The following INSL6 variants were observed in gnomAD, a reference collection of about 807,000 sequenced individuals.
INSL6 encodes insulin like 6.
INSL6 carries 16 observed loss-of-function variants against 9.4 expected under a neutral mutation model. The ratio of observed to expected loss-of-function variants is 1.70; its 90% CI spans 1.15 to 2.59. The LOEUF is 2.59. Among genes scored for constraint, INSL6 ranks in the 30% most tolerant of loss-of-function variants. The pLI is 0.00. For missense variants in INSL6, 391 were observed against 257.3 expected, an observed-to-expected ratio of 1.52 and a Z score of -3.56; for synonymous variants, 154 against 96.9, an observed-to-expected ratio of 1.59 and a Z score of -3.46.
At chr9:5,122,500 T>C (rs573024228), downstream of INSL6, among the ~76,000 whole-genome samples, 10 of 152,256 alleles carry the variant, frequency 6.6e-5, no homozygotes, top group South Asian at 2.1e-3. Flanking sequence ...GAAGGTACTC[T>C]GCAGTTAACC....
At chr9:5,035,039 T>C in the INSL6 span, among the ~76,000 whole-genome samples, 15 of 152,206 alleles carry the variant, frequency 9.9e-5, no homozygotes, top group East Asian at 2.5e-3. Flanking sequence ...CAATAAAAAA[T>C]GATAAAGGGG....
At chr9:5,007,768 G>A in the INSL6 span, among the ~76,000 whole-genome samples, 3 of 150,658 alleles carry the variant, frequency 2.0e-5, no homozygotes, top group African/African-American at 7.3e-5. Context: ...CACCCAGGCT[G>A]AACTGCAGTG....
chr9:5,135,796 G>C (rs1824377973), intron 2 of INSL6, among the ~76,000 whole-genome samples: 1 of 151,510 alleles, frequency 6.6e-6, no homozygotes, highest in South Asian at 2.1e-4. Context: ...GCAAGACAGA[G>C]ACACAAAAAC....
chr9:5,083,906 C>T, the INSL6 span, among the ~76,000 whole-genome samples: 2 of 152,020 alleles, frequency 1.3e-5, no homozygotes, highest in Admixed American at 1.3e-4. Flanking sequence ...ATAGTGAAAC[C>T]ATTCTATATA....
the INSL6 span, chr9:5,072,566 A>T: frequency 1.9e-6 from 3 of 1,611,394 alleles, no homozygotes; most frequent in African/African-American, 4.0e-5. Context: ...ACTACGGTCA[A>T]CTGCATGAAA....
chr9:5,060,121 T>C, the INSL6 span, among the ~76,000 whole-genome samples: 10 of 152,336 alleles, frequency 6.6e-5, no homozygotes, highest in African/African-American at 1.9e-4. Flanking sequence ...AACAGCATTA[T>C]GTCTTAAAAA....
chr9:5,145,780 G>T (rs1251607375), intron 2 of INSL6, among the ~76,000 whole-genome samples: 1 of 152,158 alleles, frequency 6.6e-6, no homozygotes, highest in African/African-American at 2.4e-5. Flanking sequence ...AATTATTGTA[G>T]TGTAGTTTTC....
intron 2 of INSL6, among the ~76,000 whole-genome samples, chr9:5,136,794 T>C (rs1333036170): frequency 6.6e-6 from 1 of 152,008 alleles, no homozygotes; most frequent in Admixed American, 6.6e-5. Context: ...GAGAAAGAAA[T>C]AAAGGGTATT....
chr9:4,993,371 T>G, the INSL6 span, among the ~76,000 whole-genome samples: 4 of 152,234 alleles, frequency 2.6e-5, no homozygotes, highest in African/African-American at 9.6e-5. Context: ...CTGAAAAGAT[T>G]GTTCTGAGTC....
downstream of INSL6, among the ~76,000 whole-genome samples, chr9:5,159,363 T>C (rs1484029052): frequency 6.6e-6 from 1 of 151,768 alleles, no homozygotes; most frequent in Non-Finnish European, 1.5e-5. Flanking sequence ...GAATGGATTT[T>C]TTTTTTTTAA....
intron 3 of INSL6, among the ~76,000 whole-genome samples, chr9:5,130,886 AC>A (rs1163737460): frequency 6.7e-6 from 1 of 148,452 alleles, no homozygotes; most frequent in Non-Finnish European, 1.5e-5. Flanking sequence ...CTGCCACTAC[AC>A]CCGGCTAATT....
At chr9:5,010,166 G>T in the INSL6 span, among the ~76,000 whole-genome samples, 1 of 152,074 alleles carries the variant, frequency 6.6e-6, no homozygotes, top group East Asian at 1.9e-4. Flanking sequence ...TTTCTGATTT[G>T]CTGATAGCAC....
chr9:5,149,332 C>A (rs961645857), intron 2 of INSL6, among the ~76,000 whole-genome samples: 4 of 152,198 alleles, frequency 2.6e-5, no homozygotes, highest in Non-Finnish European at 5.9e-5. Context: ...TTCTGAAGAT[C>A]TGTTCAAATT....
chr9:5,182,957 C>G (rs903550058), intron 1 of INSL6, among the ~76,000 whole-genome samples: 3 of 151,976 alleles, frequency 2.0e-5, no homozygotes, highest in Non-Finnish European at 4.4e-5. Context: ...TTAATAGCAG[C>G]GTAGCAAATT....
At chr9:5,090,888 A>T in the INSL6 span, 1 of 1,605,422 alleles carries the variant, frequency 6.2e-7, no homozygotes, top group Non-Finnish European at 8.5e-7. Flanking sequence ...AAGTAAAAGA[A>T]CCTGGTGAAA....
chr9:5,164,002 T>C lies in INSL6; in HGVS notation c.553A>G (p.Lys185Glu), dbSNP rs1279506935. The change falls in exon 2 of 2, where the codon AAA becomes GAA. Residue 185 changes from lysine (K) to glutamate (E), a missense_variant. Physicochemically the swap from Lys to Glu is moderately conservative, Grantham distance 56. Coordinates refer to ENST00000381641, the MANE Select transcript of INSL6 (RefSeq NM_007179.3). ...SEKCCLTGCT[K>E]EELSIACLPY... ...AGACATGCAATGCTAAGTTCTTCTT[T>C]TGTACATCCTGTAAGACAACACTTT... The C allele has an allele frequency of 6.2e-7, 1 of 1,613,330 alleles. No homozygotes were observed.
chr9:5,083,586 T>A, the INSL6 span, among the ~76,000 whole-genome samples: 1 of 152,144 alleles, frequency 6.6e-6, no homozygotes, highest in Non-Finnish European at 1.5e-5. Context: ...TTGCTTGCCC[T>A]TTTTTTCCTT....
chr9:5,176,322 C>T (rs1825307959), intron 1 of INSL6, among the ~76,000 whole-genome samples: 1 of 152,158 alleles, frequency 6.6e-6, no homozygotes, highest in African/African-American at 2.4e-5. Context: ...CTTTCAACTC[C>T]TTGCTCTGTT....
chr9:5,159,896 G>A (rs1415026491), downstream of INSL6, among the ~76,000 whole-genome samples: 1 of 152,228 alleles, frequency 6.6e-6, no homozygotes, highest in Non-Finnish European at 1.5e-5. Flanking sequence ...ATGTGGCCAG[G>A]TGTGGTGGCT....
Sources: allele counts gnomAD v4.1 joint callset (sites outside exome capture counted in the v4.1 genomes callset), GRCh38; gene constraint gnomAD v4.1.1; transcripts MANE v1.5; gene names NCBI Gene and HGNC (gene_info 2026-07-23, HGNC 2026-07-21).